AATK: variants seen among roughly 807,000 people sequenced by gnomAD.
The protein encoded by AATK is serine/threonine-protein kinase LMTK1.
AATK carries 91 observed loss-of-function variants against 114.3 expected under a neutral mutation model. The observed-to-expected ratio is 0.80, with a 90% confidence interval of 0.67 to 0.95. The LOEUF (loss-of-function observed/expected upper bound fraction) is 0.95, where lower values mean the gene tolerates loss of function less well. Among genes scored for constraint, AATK ranks in the 40% least tolerant of loss-of-function variants. The pLI is 0.00. For synonymous variants in AATK, 1,075 were observed against 916.5 expected, an observed-to-expected ratio of 1.17 and a Z score of -3.12; for missense variants, 2,176 against 1,965.2, an observed-to-expected ratio of 1.11 and a Z score of -2.03.
At chr17:81,123,147 A>G in intron 10 of AATK, 47 bp downstream of exon 10, 1 of 1,389,568 alleles carries the variant, frequency 7.2e-7, no homozygotes, top group South Asian at 1.6e-5. Context: ...GGATCAGGAT[A>G]CCCCATCTCG....
intron 1 of AATK, among the ~76,000 whole-genome samples, chr17:81,145,247 A>AAAG (rs1555598734): frequency 6.0e-5 from 4 of 66,118 alleles, no homozygotes; most frequent in South Asian, 1.1e-3. Context: ...AAAAAAAAAA[A>AAAG]AAAGAAAAAG....
Position 81,143,017 on chromosome 17 carries a change from C to T in AATK, c.56-8516G>A, listed in dbSNP as rs189837867. Among the ~76,000 whole-genome samples, 312 of 152,322 alleles carry T rather than the reference C, an allele frequency of 2.0e-3. 1 individual carries two copies. Among genetic ancestry groups the T allele is most frequent in the African/African-American group, 3.3e-3 (136 of 41,540 alleles). ...GCGTGGCCTGAGCTCAAAACACAGGCGTGGTCCAGGATGGCGCCTACTCAG... is the reference window on the plus strand; with the variant it reads ...GCGTGGCCTGAGCTCAAAACACAGGTGTGGTCCAGGATGGCGCCTACTCAG... On this transcript the variant is annotated intron_variant, in intron 1 of 13. Transcript: ENST00000326724.
At chr17:81,152,232 T>C (rs1367652370) in intron 1 of AATK, among the ~76,000 whole-genome samples, 1 of 152,030 alleles carries the variant, frequency 6.6e-6, no homozygotes, top group Non-Finnish European at 1.5e-5. Flanking sequence ...GAGCCAAGAT[T>C]GTGCCACCGT....
chr17:81,125,240 G>A lies in AATK; in HGVS notation c.756-226C>T, dbSNP rs561044560. 1.4e-5 allele frequency: 10 copies of A among 710,148 alleles called. No homozygotes were observed. In the East Asian group the frequency reaches 2.5e-4, roughly 18 times the overall value. 44.0% of individuals were successfully genotyped at this position (710,148 alleles called of 1,614,324 possible). Reference sequence around the variant, plus strand: ...TCTGTGCCCAACCCTGAGACCTGGGGAGGGACTGTGTGCGTGGGCCTCAAA... The same window carrying A: ...TCTGTGCCCAACCCTGAGACCTGGGAAGGGACTGTGTGCGTGGGCCTCAAA... On this transcript the variant is annotated intron_variant, in intron 7 of 13. Transcript: ENST00000326724.
At position 81,118,446 on chromosome 17, in the gene AATK, G is replaced by A; in HGVS notation, c.4085-4C>T. On this transcript the variant is annotated splice_polypyrimidine_tract_variant and splice_region_variant and intron_variant, in intron 13 of 13. Coordinates refer to ENST00000326724, the MANE Select transcript of AATK (RefSeq NM_001080395.3). ...CCCCCGGCACCAGCTTCAGGTCCTG[G>A]CAAGCAGGACAACAAAGTGAACACA... 2 of 1,606,096 alleles carry A rather than the reference G, an allele frequency of 1.2e-6. No individual in the cohort carries two copies. Among genetic ancestry groups the A allele is most frequent in the South Asian group, 1.1e-5 (1 of 89,410 alleles).
chr17:81,128,129 A>G (rs1299884905), intron 4 of AATK, among the ~76,000 whole-genome samples: 1 of 144,122 alleles, frequency 6.9e-6, no homozygotes, highest in East Asian at 2.0e-4. Context: ...TCTCCCCACA[A>G]GGTCCCCCGC....
In AATK at chr17:81,119,397, T is replaced by G. The variant is rs762620875; in HGVS notation, c.4067A>C (p.Asp1356Ala). The G allele has an allele frequency of 6.4e-7, 1 of 1,560,052 alleles. No homozygotes were observed. The highest frequency in any genetic ancestry group is 8.6e-7 in the Non-Finnish European group (1 of 1,160,284). Residue 1356 changes from aspartate (D) to alanine (A), a missense_variant, in exon 13 of 14, where the codon GAC (aspartate) becomes GCC (alanine). This residue lies in a region of AATK where 1,701 missense variants were observed against 1,394.7 expected (regional missense o/e 1.22). Coordinates refer to ENST00000326724, the MANE Select transcript of AATK (RefSeq NM_001080395.3). ...RFSITHVSDS[D>A]AESKRGPEAG... The stretch of plus-strand genomic sequence containing the variant: ...GGCCTCACCTCTCTTGGACTCGGCG[T>G]CCGAGTCAGACACGTGCGTGATGGA...
chr17:81,143,561 T>C, intron 1 of AATK, among the ~76,000 whole-genome samples: 1 of 137,046 alleles, frequency 7.3e-6, no homozygotes, highest in Non-Finnish European at 1.6e-5. Flanking sequence ...CAGCCCCAAT[T>C]CCCCCAGCCA....
intron 1 of AATK, among the ~76,000 whole-genome samples, chr17:81,145,252 AAAAAG>A (rs1312428061): frequency 5.3e-5 from 3 of 56,810 alleles, no homozygotes; most frequent in East Asian, 8.0e-4. Context: ...AAAAAAAAAG[AAAAAG>A]AAAAAGAAAA....
intron 1 of AATK, among the ~76,000 whole-genome samples, chr17:81,137,821 A>T (rs1027111431): frequency 6.6e-6 from 1 of 152,052 alleles, no homozygotes; most frequent in African/African-American, 2.4e-5. Flanking sequence ...GTTCATGCAC[A>T]GACATGCACA....
At position 81,160,232 on chromosome 17, in the gene AATK, G is replaced by A. The variant is rs762628163; in HGVS notation, c.55+5706C>T. 4.7e-5 allele frequency: 46 copies of A among 984,574 alleles called. No homozygotes were observed. The South Asian group carries it at 1.0e-3, about 22-fold the overall frequency. 61.0% of individuals were successfully genotyped at this position (984,574 alleles called of 1,614,324 possible). A position where few individuals can be genotyped will look rare whatever the true frequency, so the allele number is the denominator to read the frequency against. On this transcript the variant is annotated intron_variant, in intron 1 of 13. Coordinates refer to ENST00000326724, the MANE Select transcript of AATK (RefSeq NM_001080395.3). ...CCCGCATCCTCCCAGAAACCCCCAC[G>A]TACCAGGCTCTGGGTGTCGCTCCCG...
intron 1 of AATK, among the ~76,000 whole-genome samples, chr17:81,155,881 C>T (rs1167261250): frequency 3.3e-5 from 5 of 151,298 alleles, no homozygotes; most frequent in African/African-American, 9.7e-5. Flanking sequence ...GATGCGGTCT[C>T]GTGTTGCCCA....
At chr17:81,152,586 G>A (rs1389033937) in intron 1 of AATK, among the ~76,000 whole-genome samples, 1 of 152,086 alleles carries the variant, frequency 6.6e-6, no homozygotes, top group Non-Finnish European at 1.5e-5. Flanking sequence ...CCTGTCTCAA[G>A]AAAACAACAA....
chr17:81,153,890 G>C (rs2061328875), intron 1 of AATK, among the ~76,000 whole-genome samples: 1 of 152,098 alleles, frequency 6.6e-6, no homozygotes, highest in Non-Finnish European at 1.5e-5. Flanking sequence ...GGCCAACATG[G>C]TGAAACCCCG....
intron 1 of AATK, chr17:81,136,056 A>AG (rs1351679923): frequency 6.6e-6 from 1 of 152,274 alleles, no homozygotes; most frequent in African/African-American, 2.4e-5. Context: ...GAACACAGGC[A>AG]GGGGCTCACG....
chr17:81,134,910 A>G (rs1291310286), intron 1 of AATK, among the ~76,000 whole-genome samples: 1 of 152,192 alleles, frequency 6.6e-6, no homozygotes, highest in African/African-American at 2.4e-5. Flanking sequence ...ACGGGAGACC[A>G]TGTTGCTGGC....
At chr17:81,163,227 T>C (rs1466286521) in intron 1 of AATK, among the ~76,000 whole-genome samples, 2 of 152,008 alleles carry the variant, frequency 1.3e-5, no homozygotes, top group African/African-American at 4.8e-5. Context: ...GCCCCAGGGC[T>C]CAGGACGACT....
intron 4 of AATK, 29 bp downstream of exon 4, chr17:81,128,441 G>A (rs763599504): frequency 6.5e-7 from 1 of 1,547,988 alleles, no homozygotes. Flanking sequence ...TCCCAGGCGG[G>A]AGTCCTCCCT....
At chr17:81,165,150 G>A (rs1471206952) in intron 1 of AATK, among the ~76,000 whole-genome samples, 1 of 152,232 alleles carries the variant, frequency 6.6e-6, no homozygotes, top group Non-Finnish European at 1.5e-5. Context: ...CCAAGCAGGG[G>A]CCGGATCTGG....
Sources: gnomAD v4.1 joint callset for allele counts (sites outside exome capture counted in the v4.1 genomes callset) on GRCh38, gnomAD v4.1.1 for gene constraint, gnomAD v4.1.1 regional missense constraint, MANE v1.5 for transcripts, NCBI Gene and HGNC (gene_info 2026-07-23, HGNC 2026-07-21) for gene names.